BICDL1: variants seen among roughly 807,000 people sequenced by gnomAD.
BICDL1 encodes BICD family like cargo adaptor 1, also known as BICD family-like cargo adapter 1.
In BICDL1, 20 loss-of-function variants were observed where a neutral mutation model predicts 76.8. The observed-to-expected ratio is 0.26, with a 90% CI of 0.18 to 0.38. The LOEUF (loss-of-function observed/expected upper bound fraction) is 0.38, where lower values mean the gene tolerates loss of function less well. Ranked by LOEUF, BICDL1 falls within the 10% of genes least tolerant of loss-of-function variation. BICDL1 has a pLI of 1.00. For missense variants in BICDL1, 700 were observed against 798.6 expected, an observed-to-expected ratio of 0.88 and a Z score of 1.49; for synonymous variants, 383 against 337.1, an observed-to-expected ratio of 1.14 and a Z score of -1.49.
In BICDL1 at chr12:120,093,597, T is replaced by C; in HGVS notation, c.*436T>C. On this transcript the variant is annotated 3_prime_UTR_variant, in exon 10 of 10. Coordinates refer to ENST00000548673, the MANE Select transcript of BICDL1 (RefSeq NM_001367886.1). ...TCAGGAGGCCTGAGCCCCAGGGGCC[T>C]AGACCTGTGGGGGCAGCGGGCCAGG... The C allele has an allele frequency of 5.3e-6, 1 of 187,374 alleles. No homozygotes were observed. Among genetic ancestry groups the C allele is most frequent in the Non-Finnish European group, 1.1e-5 (1 of 87,590 alleles). The allele number at this position is 187,374 out of a possible 1,614,324, so 11.6% of individuals were successfully genotyped here.
chr12:120,013,823 A>G (rs746919462), intron 2 of BICDL1, among the ~76,000 whole-genome samples: 9 of 152,186 alleles, frequency 5.9e-5, no homozygotes, highest in African/African-American at 9.7e-5. Flanking sequence ...GGGATCCAGA[A>G]AAGTCTCATT....
At chr12:120,025,251 C>CT (rs1566225715) in intron 2 of BICDL1, among the ~76,000 whole-genome samples, 1 of 151,674 alleles carries the variant, frequency 6.6e-6, no homozygotes, top group Non-Finnish European at 1.5e-5. Flanking sequence ...GGGGTTTCAC[C>CT]GTGTTAGCCA....
rs1313988467 is a variant in BICDL1, at chr12:119,989,708, G to GGCCGGCGCGC, written c.-156_-147dup. On this transcript the variant is annotated 5_prime_UTR_variant, in exon 1 of 10. Coordinates refer to ENST00000548673, the MANE Select transcript of BICDL1 (RefSeq NM_001367886.1). ...GTGCCGCCGGCGCGGGGGAGGGGCG[G>GGCCGGCGCGC]GCCGGCGCGCGCCGCGCCCAGGGCT... Among the ~76,000 whole-genome samples the GGCCGGCGCGC allele has an allele frequency of 6.9e-6, 1 of 145,138 alleles. No individual in the cohort carries two copies. The highest frequency in any genetic ancestry group is 2.5e-5 in the African/African-American group (1 of 40,522).
intron 2 of BICDL1, among the ~76,000 whole-genome samples, chr12:120,010,666 C>T (rs534545882): frequency 6.6e-6 from 1 of 152,210 alleles, no homozygotes. Context: ...TCCCCATTTT[C>T]ACTTCAACCT....
chr12:120,018,325 T>C (rs1336866253), intron 2 of BICDL1, among the ~76,000 whole-genome samples: 1 of 152,212 alleles, frequency 6.6e-6, no homozygotes, highest in Non-Finnish European at 1.5e-5. Context: ...CAGTAGCCAG[T>C]GTTACAACTT....
chr12:120,074,717 G>A (rs2138958648), intron 7 of BICDL1, 131 bp downstream of exon 7: 3 of 743,128 alleles, frequency 4.0e-6, no homozygotes, highest in East Asian at 1.2e-4. Context: ...ATCAAGGAAT[G>A]GTGACCTGAA....
At position 120,080,928 on chromosome 12, in the gene BICDL1, G is replaced by C. The variant is rs1245503229; in HGVS notation, c.1494G>C (p.Glu498Asp). ...TGGAGATGACTGCCCTAAAAGAGGAGAGAGACCGACTCAGAGTCACTTCTG... is the reference window on the plus strand; with the variant it reads ...TGGAGATGACTGCCCTAAAAGAGGACAGAGACCGACTCAGAGTCACTTCTG... ...LSVEMTALKE[E>D]RDRLRVTSED... The change falls in exon 8 of 10, where the codon GAG (glutamate) becomes GAC (aspartate). Residue 498 changes from glutamate to aspartate, a missense_variant. This residue lies in a region of BICDL1 where 455 missense variants were observed against 548.7 expected (regional missense o/e 0.83). Transcript: ENST00000548673. 6.2e-7 allele frequency: 1 copy of C among 1,613,758 alleles called. No individual in the cohort carries two copies. The highest frequency in any genetic ancestry group is 8.5e-7 in the Non-Finnish European group (1 of 1,179,944).
At chr12:120,021,474 C>T (rs913058246) in intron 2 of BICDL1, among the ~76,000 whole-genome samples, 8 of 150,206 alleles carry the variant, frequency 5.3e-5, no homozygotes, top group African/African-American at 2.0e-4. Context: ...GTAGTCCCAG[C>T]TGCTAGGGAG....
chr12:120,052,448 C>T (rs540528724), intron 2 of BICDL1, among the ~76,000 whole-genome samples: 1 of 151,976 alleles, frequency 6.6e-6, no homozygotes, highest in East Asian at 1.9e-4. Flanking sequence ...CAAAGTCATT[C>T]ATTTGGGTTT....
At position 120,079,520 on chromosome 12, in the gene BICDL1, A is replaced by G. The variant is rs1023367308; in HGVS notation, c.1453-1367A>G. On this transcript the variant is annotated intron_variant, in intron 7 of 9. Transcript: ENST00000548673. This position sits in a 1 kb window ranked among gnomAD's most constrained non-coding sequence, Gnocchi z 4.3. ...ATGGATCCTCCCTTGGAAAAATGTC[A>G]AAGTATGTGTAATATTTAACATGAA... 5.3e-5 allele frequency among the ~76,000 whole-genome samples: 8 copies of G among 152,196 alleles called. No homozygotes were observed. Among genetic ancestry groups the G allele is most frequent in the Non-Finnish European group, 1.2e-4 (8 of 68,030 alleles).
rs1052814293 is a variant in BICDL1 at position 119,990,090 on chromosome 12, A to G, written c.222A>G (p.Glu74=). Residue 74 remains glutamate (E), a synonymous_variant, in exon 1 of 10, where the codon GAA becomes GAG. Transcript: ENST00000548673. ...AAGERPSDPG[E]HPQAEPGSLA... ...GGGAGCGGCCGTCCGACCCCGGGGA[A>G]CACCCTCAGGCCGAGCCTGGGTCTC... 4.5e-6 allele frequency: 7 copies of G among 1,541,746 alleles called. No individual in the cohort carries two copies. The highest frequency in any genetic ancestry group is 5.2e-6 in the Non-Finnish European group (6 of 1,144,184).
At position 120,053,531 on chromosome 12, in the gene BICDL1, G is replaced by A. The variant is rs111267108; in HGVS notation, c.646-8179G>A. 1.7e-3 allele frequency among the ~76,000 whole-genome samples: 257 copies of A among 152,194 alleles called. 1 individual carries two copies. Among genetic ancestry groups the A allele is most frequent in the African/African-American group, 5.5e-3 (227 of 41,516 alleles). ...TCATTATTTGTTTATTGATTAAATGGTCCTTGCCTTAGCCATTAGGAGCTC... is the reference window on the plus strand; with the variant it reads ...TCATTATTTGTTTATTGATTAAATGATCCTTGCCTTAGCCATTAGGAGCTC... On this transcript the variant is annotated intron_variant, in intron 2 of 9. Transcript: ENST00000548673.
chr12:120,030,156 A>G (rs1002985926), intron 2 of BICDL1, among the ~76,000 whole-genome samples: 3 of 152,214 alleles, frequency 2.0e-5, no homozygotes, highest in African/African-American at 7.2e-5. Context: ...TGAGTGAGTG[A>G]TGAGGACACT....
intron 6 of BICDL1, 107 bp from the exon 7 acceptor site, chr12:120,074,336 C>A: frequency 1.5e-6 from 1 of 647,490 alleles, no homozygotes; most frequent in South Asian, 5.2e-5. Context: ...CTCCACTCTC[C>A]CCCATTTCTC....
chr12:120,089,784 AAC>A (rs1229975598), intron 8 of BICDL1, among the ~76,000 whole-genome samples, 165 bp from the exon 9 acceptor site: 1 of 152,210 alleles, frequency 6.6e-6, no homozygotes, highest in Non-Finnish European at 1.5e-5. Flanking sequence ...ACATGTTGCA[AAC>A]TAACCCTCTG....
At chr12:120,046,212 G>C (rs2138831193) in intron 2 of BICDL1, among the ~76,000 whole-genome samples, 1 of 152,230 alleles carries the variant, frequency 6.6e-6, no homozygotes, top group South Asian at 2.1e-4. Context: ...CCTCTGTTAG[G>C]GGTGTCCTTC....
intron 9 of BICDL1, chr12:120,091,762 G>A: frequency 1.0e-6 from 1 of 985,380 alleles, no homozygotes; most frequent in South Asian, 4.7e-5. Context: ...GCTGAAACCT[G>A]CAGAGATATT....
chr12:120,029,193 A>G (rs149445450), intron 2 of BICDL1, among the ~76,000 whole-genome samples: 122 of 150,852 alleles, frequency 8.1e-4, no homozygotes, highest in African/African-American at 2.9e-3. Context: ...ATACAAGGGA[A>G]GACGTGTTGA....
chr12:120,031,387 G>A (rs1952421078), intron 2 of BICDL1, among the ~76,000 whole-genome samples: 2 of 151,834 alleles, frequency 1.3e-5, no homozygotes, highest in African/African-American at 2.4e-5. Context: ...TGTATTTTTA[G>A]TAGAGATGGG....
Sources: allele counts gnomAD v4.1 joint callset (sites outside exome capture counted in the v4.1 genomes callset), GRCh38; gene constraint gnomAD v4.1.1; regional missense constraint gnomAD v4.1.1; non-coding constraint Gnocchi (gnomAD v3.1); transcripts MANE v1.5; gene names NCBI Gene and HGNC (gene_info 2026-07-23, HGNC 2026-07-21).